Variants in LMAN1 observed in about 807,000 individuals in gnomAD.
The protein encoded by LMAN1 is protein ERGIC-53.
LMAN1 carries 32 observed loss-of-function variants against 67.8 expected under a neutral mutation model. That is an observed-to-expected ratio of 0.47 (90% CI 0.36 to 0.63). LMAN1 has a LOEUF of 0.63. Among genes scored for constraint, LMAN1 ranks in the 30% least tolerant of loss-of-function variants. The probability of loss-of-function intolerance (pLI) is 0.00; values close to 1 mark genes in which losing one functional copy is unlikely to be tolerated. For missense variants in LMAN1, 632 were observed against 628.2 expected (o/e 1.01, Z -0.06); for synonymous variants, 235 against 219.3 (o/e 1.07, Z -0.63).
rs150980552 is a variant in LMAN1, at chr18:59,359,050, G to A, written c.195C>T (p.Pro65=). ...PHLVQSDGTV[P]FWAHAGNAIP... is the part of the protein sequence containing the mutation. ...GCTTACTCCCCGCGTGGGCCCAGAA[G>A]GGCACGGTCCCGTCGCTCTGCACCA... Residue 65 remains proline, a synonymous_variant, in exon 1 of 13, where the codon CCC becomes CCT. Transcript: ENST00000251047. 41 of 1,614,022 alleles carry A rather than the reference G, an allele frequency of 2.5e-5. No individual in the cohort carries two copies. The highest frequency in any genetic ancestry group is 3.5e-5 in the Non-Finnish European group (41 of 1,179,978).
At chr18:59,352,913 A>G in intron 5 of LMAN1, 1 of 373,288 alleles carries the variant, frequency 2.7e-6, no homozygotes, top group South Asian at 2.2e-5. Flanking sequence ...CCGTCTATCT[A>G]TCTATCTACC....
chr18:59,353,252 T>G lies in LMAN1; in HGVS notation c.589A>C (p.Lys197Gln), dbSNP rs1908585791. 1 of 1,614,058 alleles carries G rather than the reference T, an allele frequency of 6.2e-7. No homozygotes were observed. Among genetic ancestry groups the G allele is most frequent in the African/African-American group, 1.3e-5 (1 of 74,926 alleles). ...ATCTTTGCTCGGACAGGATAGGGTTTGTTGCGGAAGTCCCTCTGGCAACTT... is the reference window on the plus strand; with the variant it reads ...ATCTTTGCTCGGACAGGATAGGGTTGGTTGCGGAAGTCCCTCTGGCAACTT... ...LASCQRDFRN[K>Q]PYPVRAKITY... The change falls in exon 5 of 13, where the codon AAA (lysine) becomes CAA (glutamine). Residue 197 changes from lysine (K) to glutamine (Q), a missense_variant. Coordinates refer to ENST00000251047, the MANE Select transcript of LMAN1 (RefSeq NM_005570.4).
Position 59,331,050 on chromosome 18 carries a change from T to A in LMAN1, c.*43A>T, listed in dbSNP as rs941306165. On this transcript the variant is annotated 3_prime_UTR_variant, in exon 13 of 13. Coordinates refer to ENST00000251047, the MANE Select transcript of LMAN1 (RefSeq NM_005570.4). ...ATACTTAAATTCCCTCAAAACGACA[T>A]CATTTTGTACACAAATAGATGAAGT... 5 of 1,422,816 alleles carry A rather than the reference T, an allele frequency of 3.5e-6. No individual in the cohort carries two copies. The East Asian group carries it at 9.1e-5, about 26-fold the overall frequency. The allele number at this position is 1,422,816 out of a possible 1,614,324, so 88.1% of individuals were successfully genotyped here.
intron 8 of LMAN1, among the ~76,000 whole-genome samples, chr18:59,345,609 T>C (rs1216456173): frequency 6.6e-6 from 1 of 152,212 alleles, no homozygotes; most frequent in Non-Finnish European, 1.5e-5. Context: ...TTTTTAGGCT[T>C]AGTGGTCACA....
chr18:59,342,376 T>C (rs1253645155), intron 8 of LMAN1, among the ~76,000 whole-genome samples: 1 of 151,924 alleles, frequency 6.6e-6, no homozygotes, highest in East Asian at 1.9e-4. Context: ...AATAGAAAAC[T>C]ACAGACCCAT....
At chr18:59,340,958 T>C (rs1481919741) in intron 8 of LMAN1, among the ~76,000 whole-genome samples, 1 of 152,140 alleles carries the variant, frequency 6.6e-6, no homozygotes, top group African/African-American at 2.4e-5. Flanking sequence ...GGCACAACTA[T>C]ATACTGCCTA....
At chr18:59,336,710 C>T (rs1908155642) in intron 10 of LMAN1, among the ~76,000 whole-genome samples, 1 of 151,904 alleles carries the variant, frequency 6.6e-6, no homozygotes, top group Non-Finnish European at 1.5e-5. Context: ...ATGGCAAAAT[C>T]CCAACTCCAA....
chr18:59,339,529 G>A (rs1908239723), intron 8 of LMAN1, among the ~76,000 whole-genome samples: 1 of 152,176 alleles, frequency 6.6e-6, no homozygotes, highest in South Asian at 2.1e-4. Context: ...CACTAGGGCT[G>A]TGGGCTGGAC....
At chr18:59,351,572 T>A (rs1053085983) in intron 5 of LMAN1, 8 of 152,254 alleles carry the variant, frequency 5.3e-5, no homozygotes, top group Admixed American at 2.0e-4. Context: ...ATGTGAGGTC[T>A]AATAAAGGTT....
At chr18:59,356,895 A>G (rs1018750285) in intron 1 of LMAN1, among the ~76,000 whole-genome samples, 7 of 152,234 alleles carry the variant, frequency 4.6e-5, no homozygotes, top group African/African-American at 1.7e-4. Flanking sequence ...GTTACAAATT[A>G]TCATTTTTTG....
At chr18:59,336,359 G>C (rs1192384907) in intron 10 of LMAN1, among the ~76,000 whole-genome samples, 1 of 152,116 alleles carries the variant, frequency 6.6e-6, no homozygotes, top group Non-Finnish European at 1.5e-5. Context: ...AAAGATGAGG[G>C]CTTGTTGAGA....
chr18:59,353,076 GAGTAAC>G (rs1908580465), intron 5 of LMAN1, 120 bp downstream of exon 5: 3 of 819,012 alleles, frequency 3.7e-6, no homozygotes, highest in Non-Finnish European at 6.2e-6. Flanking sequence ...CGTTCTCTTA[GAGTAAC>G]AATGAAGAGT....
At chr18:59,335,206 C>G (rs7244401) in intron 10 of LMAN1, among the ~76,000 whole-genome samples, 14,370 of 151,988 alleles carry the variant, frequency 0.095, 822 homozygotes, top group Middle Eastern at 0.14. Flanking sequence ...GGCCAAGGCG[C>G]GTGGATCACC....
intron 10 of LMAN1, among the ~76,000 whole-genome samples, chr18:59,334,440 T>C (rs1318034946): frequency 6.6e-6 from 1 of 152,194 alleles, no homozygotes; most frequent in Non-Finnish European, 1.5e-5. Flanking sequence ...CAAAGAAAGA[T>C]GCATTTAGCT....
Position 59,331,106 on chromosome 18 carries a change from T to C in LMAN1, c.1520A>G (p.Lys507Arg). The stretch of plus-strand genomic sequence containing the variant: ...GGAAAATGGTAGTCAAAAGAATTTT[T>C]TGGCAGCTGCTTCTTGCTGAGACCT... ...MYRSQQEAAA[K>R]KFF Residue 507 changes from lysine to arginine, a missense_variant, in exon 13 of 13, where the codon AAA (lysine) becomes AGA (arginine). Transcript: ENST00000251047. The C allele has an allele frequency of 6.2e-7, 1 of 1,611,924 alleles. No homozygotes were observed. Among genetic ancestry groups the C allele is most frequent in the Non-Finnish European group, 8.5e-7 (1 of 1,178,392 alleles).
At chr18:59,333,915 A>T (rs1908085944) in intron 10 of LMAN1, among the ~76,000 whole-genome samples, 1 of 152,214 alleles carries the variant, frequency 6.6e-6, no homozygotes, top group Non-Finnish European at 1.5e-5. Flanking sequence ...AATGTTAAGT[A>T]TAACATTTAA....
chr18:59,340,076 G>A (rs1908252785), intron 8 of LMAN1, among the ~76,000 whole-genome samples: 1 of 152,176 alleles, frequency 6.6e-6, no homozygotes, highest in African/African-American at 2.4e-5. Flanking sequence ...TCTTGCTCAT[G>A]ACACCTGACT....
intron 8 of LMAN1, among the ~76,000 whole-genome samples, chr18:59,339,481 G>C (rs1908238278): frequency 6.6e-6 from 1 of 152,106 alleles, no homozygotes. Context: ...GTCCAAAATG[G>C]GCTTTTATGA....
At chr18:59,354,713 T>A in intron 3 of LMAN1, 133 bp from the exon 4 acceptor site, 1 of 543,740 alleles carries the variant, frequency 1.8e-6, no homozygotes, top group Non-Finnish European at 3.2e-6. Flanking sequence ...GCCTTGGCAC[T>A]CAAGGAATTA....
Sources: allele counts gnomAD v4.1 joint callset (sites outside exome capture counted in the v4.1 genomes callset), GRCh38; gene constraint gnomAD v4.1.1; transcripts MANE v1.5; gene names NCBI Gene and HGNC (gene_info 2026-07-23, HGNC 2026-07-21).